Variants in CTNNA2 observed in about 807,000 individuals in gnomAD.
CTNNA2 encodes catenin alpha-2.
In CTNNA2, 42 loss-of-function variants were observed where a neutral mutation model predicts 101.0. The ratio of observed to expected loss-of-function variants is 0.42; its 90% CI spans 0.32 to 0.54. The LOEUF is 0.54. CTNNA2 is among the 20% of genes least tolerant of loss of function. CTNNA2 has a pLI of 0.14. For missense variants in CTNNA2, 871 were observed against 1,223.1 expected (o/e 0.71, Z 4.29); for synonymous variants, 450 against 456.4 (o/e 0.99, Z 0.18).
At chr2:79,377,983 A>G (rs566234648) in intron 4 of CTNNA2, among the ~76,000 whole-genome samples, 3 of 152,248 alleles carry the variant, frequency 2.0e-5, no homozygotes, top group African/African-American at 7.2e-5. Context: ...AATGTTTTTC[A>G]TCATTCTTGA....
At chr2:79,383,821 G>T (rs1037153968) in intron 4 of CTNNA2, among the ~76,000 whole-genome samples, 1 of 152,116 alleles carries the variant, frequency 6.6e-6, no homozygotes, top group Non-Finnish European at 1.5e-5. Flanking sequence ...GAAATTGGGG[G>T]TCTGGAGACT....
At chr2:79,242,991 TATAC>T (rs1239368175) in intron 2 of CTNNA2, among the ~76,000 whole-genome samples, 52 of 120,936 alleles carry the variant, frequency 4.3e-4, no homozygotes, top group Middle Eastern at 5.2e-3. Context: ...TATATATATA[TATAC>T]ACACACACAC....
chr2:79,853,621 A>G (rs1016956853), intron 3 of CTNNA2, among the ~76,000 whole-genome samples: 1 of 147,964 alleles, frequency 6.8e-6, no homozygotes, highest in Non-Finnish European at 1.5e-5. Flanking sequence ...TGTTCCTAAA[A>G]CTCTGCCTTC....
At chr2:79,443,131 T>TAAAGATAAAAG (rs1403875280) in intron 4 of CTNNA2, among the ~76,000 whole-genome samples, 3 of 152,102 alleles carry the variant, frequency 2.0e-5, no homozygotes, top group Non-Finnish European at 4.4e-5. Flanking sequence ...AAATAGAATA[T>TAAAGATAAAAG]ATAAAGATAA....
chr2:80,281,090 A>T (rs1479355308), intron 7 of CTNNA2, among the ~76,000 whole-genome samples: 1 of 152,186 alleles, frequency 6.6e-6, no homozygotes, highest in Non-Finnish European at 1.5e-5. Context: ...GCTATTAGCT[A>T]AAATGCTGCC....
intron 2 of CTNNA2, among the ~76,000 whole-genome samples, chr2:79,279,431 G>A (rs1224296815): frequency 6.6e-6 from 1 of 152,048 alleles, no homozygotes; most frequent in Non-Finnish European, 1.5e-5. Context: ...GGTCTGCGCA[G>A]GTGAGTCTGA....
intron 2 of CTNNA2, among the ~76,000 whole-genome samples, chr2:79,242,841 A>T (rs542623527): frequency 4.0e-5 from 6 of 151,824 alleles, no homozygotes; most frequent in African/African-American, 9.7e-5. Flanking sequence ...GATGGTGTGC[A>T]CCCGTGGCCT....
At chr2:80,316,709 C>A (rs183161473) in intron 7 of CTNNA2, among the ~76,000 whole-genome samples, 2 of 152,152 alleles carry the variant, frequency 1.3e-5, no homozygotes, top group Admixed American at 6.5e-5. Flanking sequence ...TTCTTTGAAG[C>A]TATAACTGAT....
intron 7 of CTNNA2, among the ~76,000 whole-genome samples, chr2:80,221,936 G>A (rs181692125): frequency 6.6e-6 from 1 of 152,306 alleles, no homozygotes; most frequent in Admixed American, 6.5e-5. Context: ...AAGGAGTTTG[G>A]CTTTTTATCT....
At chr2:79,344,829 AAT>A (rs969742006) in intron 3 of CTNNA2, among the ~76,000 whole-genome samples, 1 of 145,764 alleles carries the variant, frequency 6.9e-6, no homozygotes, top group Non-Finnish European at 1.5e-5. Context: ...TATAATATAT[AAT>A]ATATATAATA....
chr2:80,393,254 A>G lies in CTNNA2; in HGVS notation c.1100A>G (p.Asp367Gly). ...EKGDPLNIAI[D>G]KMTKKTRDLR... Reference sequence around the variant, plus strand: ...GGAGATCCTCTCAACATTGCGATTGATAAGATGACTAAGAAAACAAGAGAT... The same window carrying G: ...GGAGATCCTCTCAACATTGCGATTGGTAAGATGACTAAGAAAACAAGAGAT... Residue 367 changes from aspartate to glycine, a missense_variant, in exon 8 of 19, where the codon GAT becomes GGT. Transcript: ENST00000402739. The G allele has an allele frequency of 3.1e-6, 5 of 1,611,290 alleles. No homozygotes were observed. The highest frequency in any genetic ancestry group is 4.2e-6 in the Non-Finnish European group (5 of 1,178,652).
intron 9 of CTNNA2, among the ~76,000 whole-genome samples, chr2:80,543,025 G>A (rs1439644244): frequency 1.3e-5 from 2 of 152,134 alleles, no homozygotes; most frequent in African/African-American, 4.8e-5. Context: ...TAAGGGTGAA[G>A]CTCAACTGTA....
intron 7 of CTNNA2, among the ~76,000 whole-genome samples, chr2:80,144,782 T>A (rs986668378): frequency 1.3e-5 from 2 of 152,216 alleles, no homozygotes; most frequent in East Asian, 3.8e-4. Context: ...TGTTTCTCAT[T>A]CATTATTTCT....
chr2:79,307,604 T>C (rs897084856), intron 2 of CTNNA2, among the ~76,000 whole-genome samples: 8 of 152,208 alleles, frequency 5.3e-5, no homozygotes, highest in African/African-American at 1.2e-4. Context: ...TATATCACCT[T>C]TTCTTTACCC....
chr2:79,474,998 C>T (rs982476134), intron 4 of CTNNA2, among the ~76,000 whole-genome samples: 2 of 152,094 alleles, frequency 1.3e-5, no homozygotes. Flanking sequence ...GTCACTTCAG[C>T]CTTAAAGGGC....
At chr2:79,653,542 G>A (rs1049570789) in intron 2 of CTNNA2, among the ~76,000 whole-genome samples, 2 of 152,130 alleles carry the variant, frequency 1.3e-5, no homozygotes, top group African/African-American at 4.8e-5. Flanking sequence ...TCACTTCAAA[G>A]AGCCCTCCTT....
intron 7 of CTNNA2, among the ~76,000 whole-genome samples, chr2:79,965,563 C>G (rs1256593783): frequency 6.6e-6 from 1 of 151,986 alleles, no homozygotes; most frequent in Non-Finnish European, 1.5e-5. Context: ...GTGGTTCACA[C>G]CTGTAATCCC....
intron 2 of CTNNA2, among the ~76,000 whole-genome samples, chr2:79,730,312 A>C (rs960322858): frequency 6.6e-5 from 10 of 152,120 alleles, no homozygotes; most frequent in Admixed American, 6.6e-4. Context: ...TCTATTAAGC[A>C]AAGAGCAAGG....
intron 12 of CTNNA2, among the ~76,000 whole-genome samples, chr2:80,564,386 A>G (rs1573286838): frequency 1.3e-5 from 2 of 152,198 alleles, no homozygotes; most frequent in African/African-American, 4.8e-5. Flanking sequence ...CTTATTTTAA[A>G]ATAGAAGAAA....
Sources: gnomAD v4.1 joint callset for allele counts (sites outside exome capture counted in the v4.1 genomes callset) on GRCh38, gnomAD v4.1.1 for gene constraint, MANE v1.5 for transcripts, NCBI Gene and HGNC (gene_info 2026-07-23, HGNC 2026-07-21) for gene names.